The following CDH4 variants were observed in gnomAD, a reference collection of about 807,000 sequenced individuals.
CDH4 encodes cadherin-4.
Under a neutral mutation model 86.0 loss-of-function variants are expected in CDH4, and 33 were observed. The ratio of observed to expected loss-of-function variants is 0.38; its 90% CI spans 0.29 to 0.51. The LOEUF is 0.51. CDH4 is among the 20% of genes least tolerant of loss of function. CDH4 has a pLI of 0.86. For missense variants in CDH4, 1,114 were observed against 1,307.4 expected (o/e 0.85, Z 2.28); for synonymous variants, 555 against 549.4 (o/e 1.01, Z -0.14).
Position 61,582,329 on chromosome 20 carries a change from TCTC to T in CDH4, c.170-161228_170-161226del, listed in dbSNP as rs146478236. On this transcript the variant is annotated intron_variant, in intron 2 of 15. Coordinates refer to ENST00000614565, the MANE Select transcript of CDH4 (RefSeq NM_001794.5). This position sits in a 1 kb window ranked among gnomAD's most constrained non-coding sequence, Gnocchi z 4.2. ...AGCCAGGTGCCCTGCACGGATCCGC[TCTC>T]CTCCTTATTGTTCAAGCGCAGTGAA... Among the ~76,000 whole-genome samples the T allele has an allele frequency of 0.015, 2,268 of 152,200 alleles. 70 individuals are homozygous for T. The highest frequency in any genetic ancestry group is 0.051 in the African/African-American group (2,115 of 41,540).
rs117741715 is a variant in CDH4 at position 61,861,726 on chromosome 20, C to T, written c.877+8828C>T. 5.6e-3 allele frequency among the ~76,000 whole-genome samples: 854 copies of T among 152,282 alleles called. 16 individuals carry two copies. The highest frequency in any genetic ancestry group is 0.043 in the Admixed American group (653 of 15,304). ...TCACCACGTTGTCACGAGGTGGCTG[C>T]GGCGCCCCCAAGCGTCACGTACACC... On this transcript the variant is annotated intron_variant, in intron 6 of 15. Coordinates refer to ENST00000614565, the MANE Select transcript of CDH4 (RefSeq NM_001794.5).
chr20:61,505,049 G>C (rs892230215), intron 2 of CDH4, among the ~76,000 whole-genome samples: 1 of 152,218 alleles, frequency 6.6e-6, no homozygotes, highest in Non-Finnish European at 1.5e-5. Context: ...TTTTGCTTAA[G>C]ATGTAGGGCT....
intron 2 of CDH4, among the ~76,000 whole-genome samples, chr20:61,491,294 C>T (rs1568863348): frequency 6.6e-6 from 1 of 152,214 alleles, no homozygotes; most frequent in Non-Finnish European, 1.5e-5. Context: ...ACACAGGTTA[C>T]TTGGTTGGGC....
At chr20:61,401,092 C>A (rs114852837) in intron 2 of CDH4, among the ~76,000 whole-genome samples, 8,332 of 152,280 alleles carry the variant, frequency 0.055, 286 homozygotes, top group Non-Finnish European at 0.063. Context: ...CAGGCCTCTC[C>A]AGCCTCATGC....
chr20:61,634,632 C>A (rs1001951216), intron 2 of CDH4, among the ~76,000 whole-genome samples: 3 of 152,232 alleles, frequency 2.0e-5, no homozygotes, highest in African/African-American at 7.2e-5. Context: ...CGCCCCAGCC[C>A]GTTGCTGGGA....
chr20:61,584,703 G>C (rs2086456709), intron 2 of CDH4, among the ~76,000 whole-genome samples: 1 of 152,244 alleles, frequency 6.6e-6, no homozygotes, highest in Non-Finnish European at 1.5e-5. Context: ...TGTGCTTAGT[G>C]GGGGTGGGGC....
intron 2 of CDH4, among the ~76,000 whole-genome samples, chr20:61,259,218 G>C (rs1181425963): frequency 6.6e-6 from 1 of 152,224 alleles, no homozygotes; most frequent in Non-Finnish European, 1.5e-5. Flanking sequence ...TGGTTGAAGA[G>C]AGATCAGATG....
intron 2 of CDH4, among the ~76,000 whole-genome samples, chr20:61,657,893 C>T (rs1469529865): frequency 6.6e-6 from 1 of 152,124 alleles, no homozygotes; most frequent in Non-Finnish European, 1.5e-5. Context: ...GGTGCCGGGC[C>T]TGGGAAGGAC....
intron 2 of CDH4, among the ~76,000 whole-genome samples, chr20:61,311,194 C>T (rs2084443694): frequency 1.3e-5 from 2 of 152,240 alleles, no homozygotes; most frequent in South Asian, 2.1e-4. Context: ...ATTAAACACA[C>T]ACCCACACCC....
At chr20:61,495,306 C>T (rs1000130328) in intron 2 of CDH4, among the ~76,000 whole-genome samples, 27 of 152,218 alleles carry the variant, frequency 1.8e-4, no homozygotes, top group African/African-American at 5.8e-4. Flanking sequence ...CCGAACACGA[C>T]GTTCCCCTCG....
At chr20:61,320,781 G>A (rs555490848) in intron 2 of CDH4, among the ~76,000 whole-genome samples, 116 of 152,074 alleles carry the variant, frequency 7.6e-4, no homozygotes, top group African/African-American at 2.6e-3. Flanking sequence ...CAGGAAAGGG[G>A]CCTGGGCAAA....
intron 3 of CDH4, among the ~76,000 whole-genome samples, chr20:61,746,318 C>T (rs114370262): frequency 1.4e-3 from 207 of 152,302 alleles, no homozygotes; most frequent in African/African-American, 4.8e-3. Flanking sequence ...GCACAGTGGG[C>T]AGTCTCTGCA....
chr20:61,484,491 T>C (rs528863149), intron 2 of CDH4, among the ~76,000 whole-genome samples: 1 of 152,208 alleles, frequency 6.6e-6, no homozygotes, highest in Admixed American at 6.5e-5. Flanking sequence ...TATCTTCTGC[T>C]AATTTGCCAC....
intron 2 of CDH4, among the ~76,000 whole-genome samples, chr20:61,464,353 A>T (rs1568854544): frequency 6.6e-6 from 1 of 152,170 alleles, no homozygotes; most frequent in African/African-American, 2.4e-5. Context: ...TTGAACATAA[A>T]GAGTGAGTGT....
chr20:61,347,426 C>A (rs560436197), intron 2 of CDH4, among the ~76,000 whole-genome samples: 1 of 152,218 alleles, frequency 6.6e-6, no homozygotes. Flanking sequence ...ACACATTTCC[C>A]CCTCTTCATA....
chr20:61,491,205 G>T (rs1055053568), intron 2 of CDH4, among the ~76,000 whole-genome samples: 3 of 152,220 alleles, frequency 2.0e-5, no homozygotes, highest in Non-Finnish European at 4.4e-5. Flanking sequence ...TAAGCCCAAA[G>T]ATAGCACACT....
At chr20:61,423,318 G>T (rs908964398) in intron 2 of CDH4, among the ~76,000 whole-genome samples, 9 of 152,186 alleles carry the variant, frequency 5.9e-5, no homozygotes, top group Admixed American at 5.9e-4. Context: ...AGTGCCCCGG[G>T]TGTGCACTCA....
Position 61,879,114 on chromosome 20 carries a change from G to T in CDH4, c.1050+5214G>T, listed in dbSNP as rs1383964733. On this transcript the variant is annotated intron_variant, in intron 7 of 15. Transcript: ENST00000614565. The surrounding 1 kb of genome is among the most constrained non-coding windows in gnomAD (Gnocchi z 4.1). ...CGTTGCCAGGCATTAGTAAACCCAC[G>T]CAGGCGGCCACTGACAGCAGTGTAG... Among the ~76,000 whole-genome samples, 2 of 152,248 alleles carry T rather than the reference G, an allele frequency of 1.3e-5. No individual in the cohort carries two copies. Among genetic ancestry groups the T allele is most frequent in the Non-Finnish European group, 2.9e-5 (2 of 68,046 alleles).
At chr20:61,816,982 G>A (rs4925300) in intron 4 of CDH4, among the ~76,000 whole-genome samples, 81,831 of 152,094 alleles carry the variant, frequency 0.54, 22,948 homozygotes, top group Non-Finnish European at 0.63. Flanking sequence ...GAGAACACCA[G>A]ACAGCAGGCC....
Sources: allele counts gnomAD v4.1 joint callset (sites outside exome capture counted in the v4.1 genomes callset), GRCh38; gene constraint gnomAD v4.1.1; non-coding constraint Gnocchi (gnomAD v3.1); transcripts MANE v1.5; gene names NCBI Gene and HGNC (gene_info 2026-07-23, HGNC 2026-07-21).